Variants in NT5M observed in about 807,000 individuals in gnomAD.
The protein encoded by NT5M is 5'(3')-deoxyribonucleotidase, mitochondrial.
NT5M carries 22 observed loss-of-function variants against 22.2 expected under a neutral mutation model. The observed-to-expected ratio is 0.99, with a 90% CI of 0.71 to 1.41. NT5M has a LOEUF of 1.41. Ranked by LOEUF, NT5M falls within the 40% of genes most tolerant of loss-of-function variation. The pLI, the probability that NT5M is intolerant of heterozygous loss-of-function variation, is 0.00. For synonymous variants in NT5M, 167 were observed against 133.0 expected (o/e 1.26, Z -1.76); for missense variants, 322 against 314.8 (o/e 1.02, Z -0.17).
chr17:17,329,148 T>TCC (rs2049324365), intron 3 of NT5M, among the ~76,000 whole-genome samples: 1 of 152,084 alleles, frequency 6.6e-6, no homozygotes, highest in Non-Finnish European at 1.5e-5. Flanking sequence ...GAGCTAATTT[T>TCC]TTTGTATTTT....
Position 17,306,552 on chromosome 17 carries a change from A to G in NT5M, c.277A>G (p.Ile93Val), listed in dbSNP as rs753212436. The G allele has an allele frequency of 5.6e-6, 9 of 1,613,640 alleles. No individual in the cohort carries two copies. The highest frequency in any genetic ancestry group is 5.0e-5 in the Admixed American group (3 of 60,002). The change falls in exon 2 of 5, where the codon ATC (isoleucine) becomes GTC (valine). Residue 93 changes from isoleucine (I) to valine (V), a missense_variant. Coordinates refer to ENST00000389022, the MANE Select transcript of NT5M (RefSeq NM_020201.4). ...TTTCTCAACTTCTCAGGAGAAGGCC[A>G]TCAGCATTTGGGAGTCAAAGAATTT... ...RLRPGLSEKA[I>V]SIWESKNFFF...
chr17:17,332,010 G>C (rs374940238), intron 3 of NT5M, among the ~76,000 whole-genome samples: 1 of 148,300 alleles, frequency 6.7e-6, no homozygotes, highest in Non-Finnish European at 1.5e-5. Flanking sequence ...TTGATTTCCC[G>C]ACCTCATGAT....
Position 17,303,798 on chromosome 17 carries a change from G to A in NT5M, c.248G>A (p.Arg83His), listed in dbSNP as rs1464990891. Reference protein sequence around the residue: ...RGFWVSEQYGRLRPGLSEKAI... With the variant: ...RGFWVSEQYGHLRPGLSEKAI... ...TTCTGGGTGTCGGAGCAGTACGGCC[G>A]CCTGCGGCCAGGGCTGAGCGTGAGC... The change falls in exon 1 of 5, where the codon CGC becomes CAC. Residue 83 changes from arginine (R) to histidine (H), a missense_variant. Physicochemically the swap from Arg to His is conservative, Grantham distance 29. Transcript: ENST00000389022. 1 of 1,542,318 alleles carries A rather than the reference G, an allele frequency of 6.5e-7. No individual in the cohort carries two copies. The highest frequency in any genetic ancestry group is 8.8e-7 in the Non-Finnish European group (1 of 1,142,824).
chr17:17,331,311 C>G (rs1227376547), intron 3 of NT5M, among the ~76,000 whole-genome samples: 1 of 151,434 alleles, frequency 6.6e-6, no homozygotes, highest in East Asian at 1.9e-4. Flanking sequence ...AAAAATTGTT[C>G]ATGCTAATTG....
intron 3 of NT5M, among the ~76,000 whole-genome samples, chr17:17,341,267 A>G (rs373379034): frequency 6.6e-6 from 1 of 152,126 alleles, no homozygotes; most frequent in Non-Finnish European, 1.5e-5. Flanking sequence ...GTCTAGTTAT[A>G]ATAATTACAT....
intron 2 of NT5M, among the ~76,000 whole-genome samples, chr17:17,310,212 A>G (rs557954598): frequency 6.6e-6 from 1 of 152,276 alleles, no homozygotes; most frequent in South Asian, 2.1e-4. Flanking sequence ...TGTATCTGAT[A>G]AGAGACTTGT....
At chr17:17,333,903 G>A (rs2049440721) in intron 3 of NT5M, among the ~76,000 whole-genome samples, 1 of 149,310 alleles carries the variant, frequency 6.7e-6, no homozygotes, top group South Asian at 2.1e-4. Flanking sequence ...GCACAATCTC[G>A]GCTCATTGCA....
Position 17,347,076 on chromosome 17 carries a change from G to GTCCCT in NT5M, c.*139_*143dup, listed in dbSNP as rs2049777162. The GTCCCT allele has an allele frequency of 1.7e-6, 2 of 1,189,382 alleles. No individual in the cohort carries two copies. Among genetic ancestry groups the GTCCCT allele is most frequent in the East Asian group, 5.1e-5 (2 of 39,202 alleles). 73.7% of individuals were successfully genotyped at this position (1,189,382 alleles called of 1,614,324 possible). ...TGGGCCCCATGACCTCCTGCTGCATGTCCCTTCCCTTCCCCAGCCCTGCCA... is the reference window on the plus strand; with the variant it reads ...TGGGCCCCATGACCTCCTGCTGCATGTCCCTTCCCTTCCCTTCCCCAGCCCTGCCA... On this transcript the variant is annotated 3_prime_UTR_variant, in exon 5 of 5. Transcript: ENST00000389022.
intron 2 of NT5M, among the ~76,000 whole-genome samples, chr17:17,322,076 CACAT>C (rs1228876290): frequency 1.3e-5 from 2 of 151,874 alleles, no homozygotes; most frequent in Non-Finnish European, 2.9e-5. Context: ...CCTATGCACA[CACAT>C]ATATGTGGAC....
At chr17:17,340,493 C>T (rs2142375658) in intron 3 of NT5M, among the ~76,000 whole-genome samples, 1 of 151,506 alleles carries the variant, frequency 6.6e-6, no homozygotes, top group Admixed American at 6.6e-5. Context: ...TATTTCTGCT[C>T]TGATTTTTGT....
intron 3 of NT5M, among the ~76,000 whole-genome samples, chr17:17,331,083 C>G (rs748426907): frequency 1.3e-5 from 2 of 151,542 alleles, no homozygotes; most frequent in African/African-American, 4.9e-5. Context: ...TGCTCCAGTA[C>G]GTTTTCCAGT....
chr17:17,343,937 C>T (rs1302684851), intron 3 of NT5M, among the ~76,000 whole-genome samples: 4 of 152,088 alleles, frequency 2.6e-5, no homozygotes, highest in East Asian at 1.9e-4. Context: ...GAGCAGGTGC[C>T]GTGCTTAGGC....
At chr17:17,320,541 A>T (rs2049129692) in intron 2 of NT5M, among the ~76,000 whole-genome samples, 1 of 152,168 alleles carries the variant, frequency 6.6e-6, no homozygotes, top group Non-Finnish European at 1.5e-5. Context: ...ATAGACTAGG[A>T]ACTGAGGGAA....
intron 3 of NT5M, among the ~76,000 whole-genome samples, chr17:17,323,758 A>G (rs557068606): frequency 2.3e-4 from 35 of 152,280 alleles, no homozygotes; most frequent in African/African-American, 8.4e-4. Context: ...ACGTTGGAGC[A>G]GCTCTTCCCG....
Position 17,340,540 on chromosome 17 carries a change from A to G in NT5M, c.430-4254A>G, listed in dbSNP as rs1481327692. On this transcript the variant is annotated intron_variant, in intron 3 of 4. Transcript: ENST00000389022. ...TTTCCTTTCTTTTCTTTTTTTTTTA[A>G]TTTTGAGATGGAGCCTTGCTCTGTC... Among the ~76,000 whole-genome samples, 4 of 134,322 alleles carry G rather than the reference A, an allele frequency of 3.0e-5. No individual in the cohort carries two copies. In the East Asian group the frequency reaches 8.5e-4, roughly 29 times the overall value. The allele number at this position is 134,322 out of a possible 152,430, so 88.1% of individuals were successfully genotyped here. A position where few individuals can be genotyped will look rare whatever the true frequency, so the allele number is the denominator to read the frequency against.
intron 3 of NT5M, among the ~76,000 whole-genome samples, chr17:17,344,587 C>T (rs572161135): frequency 1.3e-5 from 2 of 152,288 alleles, no homozygotes; most frequent in South Asian, 4.1e-4. Flanking sequence ...GAGTGTGGAC[C>T]AGCCATGTGC....
At chr17:17,343,469 G>A (rs968687614) in intron 3 of NT5M, among the ~76,000 whole-genome samples, 1 of 152,244 alleles carries the variant, frequency 6.6e-6, no homozygotes, top group Non-Finnish European at 1.5e-5. Flanking sequence ...CTTTTCCCAC[G>A]TCCCGTGTGC....
chr17:17,325,337 C>T (rs974239577), intron 3 of NT5M, among the ~76,000 whole-genome samples: 6 of 152,046 alleles, frequency 3.9e-5, no homozygotes, highest in East Asian at 3.9e-4. Flanking sequence ...CACTCAGACC[C>T]GATGTATCTG....
At chr17:17,325,221 G>A (rs892335195) in intron 3 of NT5M, among the ~76,000 whole-genome samples, 2 of 152,180 alleles carry the variant, frequency 1.3e-5, no homozygotes, top group African/African-American at 4.8e-5. Context: ...GGAGTGAGAT[G>A]AACGACATGG....
Sources: allele counts gnomAD v4.1 joint callset (sites outside exome capture counted in the v4.1 genomes callset), GRCh38; gene constraint gnomAD v4.1.1; transcripts MANE v1.5; gene names NCBI Gene and HGNC (gene_info 2026-07-23, HGNC 2026-07-21).